QKI: variants seen among roughly 807,000 people sequenced by gnomAD.
QKI encodes the protein KH domain-containing RNA-binding protein QKI.
QKI carries 10 observed loss-of-function variants against 39.0 expected under a neutral mutation model. That is an observed-to-expected ratio of 0.26 (90% CI 0.16 to 0.43). The LOEUF (loss-of-function observed/expected upper bound fraction) is 0.43. QKI is among the 20% of genes least tolerant of loss of function. The pLI is 1.00. For missense variants in QKI, 218 were observed against 428.0 expected (o/e 0.51, Z 4.33); for synonymous variants, 204 against 155.4 (o/e 1.31, Z -2.33).
chr6:163,483,757 T>G (rs1040114158), intron 3 of QKI, among the ~76,000 whole-genome samples: 1 of 152,206 alleles, frequency 6.6e-6, no homozygotes, highest in Non-Finnish European at 1.5e-5. Flanking sequence ...TTTTCCAGAC[T>G]CCTGCTAATG....
In QKI at chr6:163,494,677, GTTGTTA is replaced by G. The variant is rs1290331207; in HGVS notation, c.402+15787_402+15792del. The stretch of plus-strand genomic sequence containing the variant: ...TTTTTTTTTTGTTTTTGTTGTTGTT[GTTGTTA>G]TTGTTGTTTTTGTGTTTTTTGACTG... On this transcript the variant is annotated intron_variant, in intron 3 of 7. Coordinates refer to ENST00000361752, the MANE Select transcript of QKI (RefSeq NM_006775.3). Among the ~76,000 whole-genome samples, 626 of 58,912 alleles carry G rather than the reference GTTGTTA, an allele frequency of 0.011. 2 individuals carry two copies. The East Asian group carries it at 0.33, about 31-fold the overall frequency. The allele number at this position is 58,912 out of a possible 152,430, so 38.6% of individuals were successfully genotyped here. A position where few individuals can be genotyped will look rare whatever the true frequency, so the allele number is the denominator to read the frequency against.
At chr6:163,566,818 T>C (rs1479698261) in intron 7 of QKI, 23 bp downstream of exon 7, 1 of 1,612,128 alleles carries the variant, frequency 6.2e-7, no homozygotes, top group African/African-American at 1.3e-5. Context: ...CTGCAGTTCT[T>C]GTCTATAAGA....
intron 3 of QKI, among the ~76,000 whole-genome samples, chr6:163,508,759 C>T (rs1268916954): frequency 6.6e-6 from 1 of 150,384 alleles, no homozygotes; most frequent in East Asian, 2.0e-4. Flanking sequence ...AAACTCCTGA[C>T]CTCAGGTGAT....
At chr6:163,564,687 A>T in intron 6 of QKI, 1 of 1,614,102 alleles carries the variant, frequency 6.2e-7, no homozygotes, top group Non-Finnish European at 8.5e-7. Flanking sequence ...AATGCCAGTC[A>T]TGCCTGATAT....
At chr6:163,529,263 T>C (rs936142981) in intron 3 of QKI, among the ~76,000 whole-genome samples, 4 of 152,286 alleles carry the variant, frequency 2.6e-5, no homozygotes, top group Non-Finnish European at 4.4e-5. Context: ...GGCACAGTAA[T>C]CATTAGTACA....
intron 4 of QKI, among the ~76,000 whole-genome samples, chr6:163,541,393 A>G (rs1470909109): frequency 6.6e-6 from 1 of 151,982 alleles, no homozygotes; most frequent in Admixed American, 6.6e-5. Flanking sequence ...TGAATGTTTC[A>G]CATACACTTA....
intron 1 of QKI, among the ~76,000 whole-genome samples, chr6:163,432,261 C>G (rs187384753): frequency 1.3e-5 from 2 of 152,268 alleles, no homozygotes; most frequent in Non-Finnish European, 2.9e-5. Flanking sequence ...AAACCAAAGA[C>G]AAAGGCTCTC....
intron 2 of QKI, among the ~76,000 whole-genome samples, chr6:163,476,914 A>G (rs1792648295): frequency 1.3e-5 from 2 of 152,116 alleles, no homozygotes; most frequent in Admixed American, 1.3e-4. Flanking sequence ...ACATATCTGT[A>G]CATGCCATCA....
intron 2 of QKI, among the ~76,000 whole-genome samples, chr6:163,471,044 T>C (rs946185907): frequency 6.6e-6 from 1 of 152,166 alleles, no homozygotes; most frequent in Non-Finnish European, 1.5e-5. Context: ...TCTTTATATT[T>C]ATCATACTTA....
rs951774731 is a variant in QKI, at chr6:163,573,552, TGAGAA to T, written c.*2843_*2847del. 2.0e-5 allele frequency: 3 copies of T among 152,234 alleles called. No individual in the cohort carries two copies. The highest frequency in any genetic ancestry group is 2.4e-5 in the African/African-American group (1 of 41,472). 9.4% of individuals were successfully genotyped at this position (152,234 alleles called of 1,614,324 possible). A position where few individuals can be genotyped will look rare whatever the true frequency, so the allele number is the denominator to read the frequency against. ...ATTCAAAAAGAATTTTTTTCTTGAT[TGAGAA>T]AAGGATACAAAATGCAAAATCCACA... On this transcript the variant is annotated 3_prime_UTR_variant, in exon 8 of 8. Coordinates refer to ENST00000361752, the MANE Select transcript of QKI (RefSeq NM_006775.3).
At chr6:163,528,629 T>C (rs1272700517) in intron 3 of QKI, among the ~76,000 whole-genome samples, 1 of 152,202 alleles carries the variant, frequency 6.6e-6, no homozygotes, top group East Asian at 1.9e-4. Flanking sequence ...ATCATTTTCA[T>C]TTTTAAGTTT....
intron 3 of QKI, among the ~76,000 whole-genome samples, chr6:163,518,228 GT>G (rs1358957784): frequency 6.6e-6 from 1 of 152,176 alleles, no homozygotes; most frequent in Non-Finnish European, 1.5e-5. Flanking sequence ...ACGGAAGGTA[GT>G]TGAGTTCATT....
At chr6:163,487,693 C>T (rs923656159) in intron 3 of QKI, among the ~76,000 whole-genome samples, 1 of 152,054 alleles carries the variant, frequency 6.6e-6, no homozygotes, top group African/African-American at 2.4e-5. Flanking sequence ...ACATTTATCT[C>T]TGTTCCCCAT....
intron 1 of QKI, among the ~76,000 whole-genome samples, chr6:163,454,775 G>A (rs575104310): frequency 2.6e-5 from 4 of 152,156 alleles, no homozygotes; most frequent in Non-Finnish European, 5.9e-5. Flanking sequence ...TGCTGAACTT[G>A]CAGTCTGTTG....
At chr6:163,517,485 T>C (rs544010495) in intron 3 of QKI, among the ~76,000 whole-genome samples, 8 of 151,936 alleles carry the variant, frequency 5.3e-5, no homozygotes, top group African/African-American at 1.9e-4. Flanking sequence ...TGGCTTAATC[T>C]TGGTTCATTG....
chr6:163,488,330 A>C lies in QKI; in HGVS notation c.402+9434A>C, dbSNP rs975574819. Among the ~76,000 whole-genome samples, 98 of 150,280 alleles carry C rather than the reference A, an allele frequency of 6.5e-4. 1 individual carries two copies. The highest frequency in any genetic ancestry group is 2.1e-4 in the South Asian group (1 of 4,780). On this transcript the variant is annotated intron_variant, in intron 3 of 7. Transcript: ENST00000361752. ...GGAAGCTTTGTTAACAAAAAGTGAC[A>C]AAAAAAAAGAGAGAGAGAGAGAAAG...
chr6:163,527,607 C>T (rs1290926925), intron 3 of QKI, among the ~76,000 whole-genome samples: 5 of 152,106 alleles, frequency 3.3e-5, no homozygotes, highest in African/African-American at 1.2e-4. Flanking sequence ...GTTGTTCAAA[C>T]AGATATTGTA....
chr6:163,490,091 G>T (rs906150425), intron 3 of QKI, among the ~76,000 whole-genome samples: 3 of 152,124 alleles, frequency 2.0e-5, no homozygotes, highest in Admixed American at 2.0e-4. Flanking sequence ...GAATCCAATT[G>T]AATAGTAGAA....
At chr6:163,417,184 C>T (rs973296479) in intron 1 of QKI, among the ~76,000 whole-genome samples, 5 of 152,046 alleles carry the variant, frequency 3.3e-5, no homozygotes, top group South Asian at 2.1e-4. Flanking sequence ...AACACTCTTA[C>T]TGTCTTCTCC....
Sources: allele counts gnomAD v4.1 joint callset (sites outside exome capture counted in the v4.1 genomes callset), GRCh38; gene constraint gnomAD v4.1.1; transcripts MANE v1.5; gene names NCBI Gene and HGNC (gene_info 2026-07-23, HGNC 2026-07-21).